MRTFB: variants seen among roughly 807,000 people sequenced by gnomAD.
MRTFB encodes myocardin related transcription factor B.
A neutral mutation model predicts 104.2 loss-of-function variants in MRTFB; 29 were observed. The ratio of observed to expected loss-of-function variants is 0.28; its 90% CI spans 0.21 to 0.38. The LOEUF (loss-of-function observed/expected upper bound fraction) is 0.38, where lower values mean the gene tolerates loss of function less well. Among genes scored for constraint, MRTFB ranks in the 10% least tolerant of loss-of-function variants. The pLI, the probability that MRTFB is intolerant of heterozygous loss-of-function variation, is 1.00. For missense variants in MRTFB, 1,270 were observed against 1,341.6 expected, an observed-to-expected ratio of 0.95 and a Z score of 0.83; for synonymous variants, 535 against 519.5, an observed-to-expected ratio of 1.03 and a Z score of -0.41.
intron 3 of MRTFB, among the ~76,000 whole-genome samples, chr16:14,198,426 G>T (rs1291843707): frequency 1.3e-5 from 2 of 152,176 alleles, no homozygotes; most frequent in Non-Finnish European, 2.9e-5. Flanking sequence ...ACTTTAGAAA[G>T]AACTGCTAAA....
At chr16:14,178,226 T>C (rs2039651777) in intron 3 of MRTFB, among the ~76,000 whole-genome samples, 1 of 151,680 alleles carries the variant, frequency 6.6e-6, no homozygotes, top group Admixed American at 6.6e-5. Context: ...AGGATGGGAG[T>C]GGGAAGGTTC....
chr16:14,110,876 C>T (rs2036236113), intron 2 of MRTFB, among the ~76,000 whole-genome samples: 1 of 152,166 alleles, frequency 6.6e-6, no homozygotes, highest in South Asian at 2.1e-4. Flanking sequence ...CTGTCCCGTC[C>T]CATCTCATGC....
chr16:14,168,011 A>G (rs970813115), intron 3 of MRTFB, among the ~76,000 whole-genome samples: 2 of 152,118 alleles, frequency 1.3e-5, no homozygotes, highest in Non-Finnish European at 2.9e-5. Context: ...TAATTTTTGT[A>G]TAGGGTGTAA....
chr16:14,182,412 C>T (rs751177898), intron 3 of MRTFB, among the ~76,000 whole-genome samples: 1 of 152,064 alleles, frequency 6.6e-6, no homozygotes, highest in Non-Finnish European at 1.5e-5. Context: ...AAAATGAGAG[C>T]GAACCTGTGG....
intron 15 of MRTFB, among the ~76,000 whole-genome samples, chr16:14,252,875 G>A (rs1396798076): frequency 1.3e-5 from 2 of 152,098 alleles, no homozygotes; most frequent in African/African-American, 4.8e-5. Context: ...ATGACACATG[G>A]TATCACTGTT....
At chr16:14,112,182 G>A (rs1054854617) in intron 2 of MRTFB, among the ~76,000 whole-genome samples, 2 of 152,176 alleles carry the variant, frequency 1.3e-5, no homozygotes, top group African/African-American at 4.8e-5. Context: ...CCCATATCAA[G>A]GGAGGTAGGA....
chr16:14,131,650 T>A (rs1177904853), intron 2 of MRTFB, among the ~76,000 whole-genome samples: 2 of 152,078 alleles, frequency 1.3e-5, no homozygotes, highest in Non-Finnish European at 2.9e-5. Context: ...AAATGGGTAT[T>A]TCTGTAAATA....
At chr16:14,053,588 G>T in the MRTFB span, among the ~76,000 whole-genome samples, 1 of 151,892 alleles carries the variant, frequency 6.6e-6, no homozygotes, top group Non-Finnish European at 1.5e-5. Flanking sequence ...AAAATTAGCC[G>T]GGCGTGGTGG....
chr16:14,119,923 G>GA (rs1470908844), intron 2 of MRTFB, among the ~76,000 whole-genome samples: 3 of 152,080 alleles, frequency 2.0e-5, no homozygotes, highest in African/African-American at 7.2e-5. Flanking sequence ...TCATTCTCCA[G>GA]AGCAGCTTTG....
chr16:14,259,130 G>C (rs2043646781), intron 16 of MRTFB, among the ~76,000 whole-genome samples: 2 of 152,082 alleles, frequency 1.3e-5, no homozygotes, highest in African/African-American at 4.8e-5. Flanking sequence ...AATTATATTG[G>C]CCTTACAAAA....
chr16:14,210,121 C>A, intron 3 of MRTFB, 122 bp from the exon 4 acceptor site: 1 of 654,576 alleles, frequency 1.5e-6, no homozygotes, highest in East Asian at 2.9e-5. Flanking sequence ...AGGTAATATC[C>A]TTCTTTTTAA....
Position 14,144,948 on chromosome 16 carries a change from CAAAAA to C in MRTFB, c.154+4198_154+4202del, listed in dbSNP as rs373155376. Among the ~76,000 whole-genome samples, 7 of 87,092 alleles carry C rather than the reference CAAAAA, an allele frequency of 8.0e-5. No individual in the cohort carries two copies. The South Asian group carries it at 2.2e-3, about 27-fold the overall frequency. The allele number at this position is 87,092 out of a possible 152,430, so 57.1% of individuals were successfully genotyped here. On this transcript the variant is annotated intron_variant, in intron 3 of 16. Coordinates refer to ENST00000571589, the MANE Select transcript of MRTFB (RefSeq NM_001308142.2). ...TGGGTGACAGAGCAAGACTCTGTCT[CAAAAA>C]AAAAAAAAATAAATAAATATATACA...
intron 1 of MRTFB, among the ~76,000 whole-genome samples, chr16:14,072,591 G>A (rs1006414353): frequency 6.6e-6 from 1 of 152,192 alleles, no homozygotes; most frequent in African/African-American, 2.4e-5. Context: ...AGGCTGAGGT[G>A]AGGGGATCTC....
intron 2 of MRTFB, among the ~76,000 whole-genome samples, chr16:14,137,228 C>A (rs1229635917): frequency 6.6e-6 from 1 of 151,954 alleles, no homozygotes; most frequent in African/African-American, 2.4e-5. Flanking sequence ...TAGTCTATAC[C>A]CTCTCAAAAA....
Position 14,240,364 on chromosome 16 carries a change from C to A in MRTFB, c.959C>A (p.Pro320Gln), listed in dbSNP as rs777765143. 1.2e-6 allele frequency: 2 copies of A among 1,614,072 alleles called. No individual in the cohort carries two copies. The highest frequency in any genetic ancestry group is 1.7e-6 in the Non-Finnish European group (2 of 1,180,020). ...PPDQKGEKNE[P>Q]QMDSNYARLL... ...GATCAGAAGGGTGAGAAGAATGAGC[C>A]GCAGATGGACTCTAACTACGCCCGC... is the stretch of plus-strand genomic sequence containing the variant. The change falls in exon 10 of 17, where the codon CCG becomes CAG. Residue 320 changes from proline to glutamine, a missense_variant. Pro to Gln is a moderately conservative substitution (Grantham distance 76). This residue lies in a region of MRTFB where 1,144 missense variants were observed against 1,131.5 expected (regional missense o/e 1.01). Transcript: ENST00000571589.
At chr16:14,256,158 AT>A (rs981997205) in intron 15 of MRTFB, among the ~76,000 whole-genome samples, 9 of 138,726 alleles carry the variant, frequency 6.5e-5, no homozygotes, top group South Asian at 2.4e-4. Flanking sequence ...AAAATGTCAA[AT>A]TTTTTTTTAA....
At chr16:14,055,521 T>C in the MRTFB span, among the ~76,000 whole-genome samples, 2 of 152,228 alleles carry the variant, frequency 1.3e-5, no homozygotes, top group African/African-American at 4.8e-5. Flanking sequence ...CTGACAATTC[T>C]TCAGCCTTTT....
chr16:14,260,835 G>C, intron 16 of MRTFB, 74 bp from the exon 17 acceptor site: 1 of 1,244,586 alleles, frequency 8.0e-7, no homozygotes, highest in East Asian at 2.4e-5. Context: ...CAATGTAACT[G>C]TCCTAGTAAT....
At position 14,130,910 on chromosome 16, in the gene MRTFB, ACTAT is replaced by A. The variant is rs368624314; in HGVS notation, c.-63-9632_-63-9629del. On this transcript the variant is annotated intron_variant, in intron 2 of 16. Transcript: ENST00000571589. ...TATCAGATCTCATGAGAAGTCACTA[ACTAT>A]CACAAGAACGGCAGCATGGGGGTAA... Among the ~76,000 whole-genome samples, 910 of 152,204 alleles carry A rather than the reference ACTAT, an allele frequency of 6.0e-3. 10 individuals are homozygous for A. The highest frequency in any genetic ancestry group is 0.02 in the African/African-American group (850 of 41,526).
Sources: allele counts gnomAD v4.1 joint callset (sites outside exome capture counted in the v4.1 genomes callset), GRCh38; gene constraint gnomAD v4.1.1; regional missense constraint gnomAD v4.1.1; transcripts MANE v1.5; gene names NCBI Gene and HGNC (gene_info 2026-07-23, HGNC 2026-07-21).